Variants in GAREM1 observed in about 807,000 individuals in gnomAD.
GAREM1 encodes the protein GRB2-associated and regulator of MAPK protein 1.
GAREM1 carries 26 observed loss-of-function variants against 71.3 expected under a neutral mutation model. The ratio of observed to expected loss-of-function variants is 0.36; its 90% CI spans 0.27 to 0.51. GAREM1 has a LOEUF of 0.51. Among genes scored for constraint, GAREM1 ranks in the 20% least tolerant of loss-of-function variants. The pLI is 0.95. For missense variants in GAREM1, 1,026 were observed against 1,103.1 expected, an observed-to-expected ratio of 0.93 and a Z score of 0.99; for synonymous variants, 440 against 433.2, an observed-to-expected ratio of 1.02 and a Z score of -0.20.
chr18:32,375,631 T>G (rs1352099135), intron 2 of GAREM1, among the ~76,000 whole-genome samples: 1 of 152,182 alleles, frequency 6.6e-6, no homozygotes, highest in Non-Finnish European at 1.5e-5. Flanking sequence ...CTGTTGGTCC[T>G]ATATGCAGCC....
chr18:32,346,411 G>C (rs1325074007), intron 2 of GAREM1, among the ~76,000 whole-genome samples: 3 of 152,062 alleles, frequency 2.0e-5, no homozygotes, highest in African/African-American at 7.2e-5. Context: ...CATTTTATGG[G>C]AATTTCCTTA....
intron 2 of GAREM1, among the ~76,000 whole-genome samples, chr18:32,370,512 A>G (rs1029785528): frequency 6.6e-6 from 1 of 151,980 alleles, no homozygotes; most frequent in African/African-American, 2.4e-5. Context: ...ATTTAAGTCA[A>G]TATTCTTTAA....
chr18:32,399,271 A>G (rs983901803), intron 1 of GAREM1, among the ~76,000 whole-genome samples: 1 of 152,208 alleles, frequency 6.6e-6, no homozygotes, highest in African/African-American at 2.4e-5. Flanking sequence ...CAAGACAGGG[A>G]TGCCCTCTCT....
Position 32,412,261 on chromosome 18 carries a change from C to T in GAREM1, c.122-19226G>A, listed in dbSNP as rs1326454116. The T allele has an allele frequency of 1.3e-5, 21 of 1,574,446 alleles. No individual in the cohort carries two copies. In the East Asian group the frequency reaches 3.4e-4, roughly 25 times the overall value. The stretch of plus-strand genomic sequence containing the variant: ...CAGCTACTGCTGCTGCTGGAACCGC[C>T]ATAGCCACCTTGGTTTCGTGGTTTT... On this transcript the variant is annotated intron_variant, in intron 1 of 5. Coordinates refer to ENST00000269209, the MANE Select transcript of GAREM1 (RefSeq NM_001242409.2).
In GAREM1 at chr18:32,340,073, T is replaced by C. The variant is rs1181142935; in HGVS notation, c.263-29750A>G. ...CCTTCAGAACACAGCAGTTCCCCTG[T>C]TCTCCAGTGGCACTTCTTGCATGTC... On this transcript the variant is annotated intron_variant, in intron 2 of 5. Transcript: ENST00000269209. Among the ~76,000 whole-genome samples, 4 of 152,242 alleles carry C rather than the reference T, an allele frequency of 2.6e-5. No homozygotes were observed. The South Asian group carries it at 6.2e-4, about 24-fold the overall frequency.
intron 2 of GAREM1, among the ~76,000 whole-genome samples, chr18:32,331,243 C>T (rs1459727940): frequency 1.3e-5 from 2 of 152,138 alleles, no homozygotes; most frequent in African/African-American, 4.8e-5. Flanking sequence ...ACTGTACTCC[C>T]TACTAATGGG....
chr18:32,305,786 C>G (rs2047248255), intron 3 of GAREM1, among the ~76,000 whole-genome samples: 1 of 152,226 alleles, frequency 6.6e-6, no homozygotes, highest in Admixed American at 6.5e-5. Context: ...TCCCAAAGTG[C>G]TGGGATTACA....
intron 1 of GAREM1, among the ~76,000 whole-genome samples, chr18:32,402,202 A>C (rs1022673341): frequency 4.6e-5 from 7 of 152,170 alleles, no homozygotes; most frequent in Non-Finnish European, 1.0e-4. Flanking sequence ...CAATGTAGTA[A>C]TGAGACATCT....
chr18:32,399,544 T>C (rs376607341), intron 1 of GAREM1, among the ~76,000 whole-genome samples: 13,208 of 151,490 alleles, frequency 0.087, 647 homozygotes, highest in African/African-American at 0.13. Flanking sequence ...AAACAGAGAG[T>C]CAACTCATGA....
intron 1 of GAREM1, among the ~76,000 whole-genome samples, chr18:32,462,721 T>C (rs2048963930): frequency 6.6e-6 from 1 of 152,234 alleles, no homozygotes; most frequent in Non-Finnish European, 1.5e-5. Context: ...TATGTTTTCT[T>C]CCATGAGTAG....
intron 2 of GAREM1, among the ~76,000 whole-genome samples, chr18:32,367,378 T>C (rs568942214): frequency 6.6e-6 from 1 of 152,330 alleles, no homozygotes. Context: ...GGCAATAAAC[T>C]TGTCTAAGAC....
In GAREM1 at chr18:32,364,011, TA is replaced by T. The variant is rs1567980628; in HGVS notation, c.262+28883del. Among the ~76,000 whole-genome samples the T allele has an allele frequency of 4.0e-4, 23 of 57,496 alleles. 1 individual carries two copies. The highest frequency in any genetic ancestry group is 8.4e-4 in the Admixed American group (5 of 5,948). The allele number at this position is 57,496 out of a possible 152,430, so 37.7% of individuals were successfully genotyped here. On this transcript the variant is annotated intron_variant, in intron 2 of 5. Transcript: ENST00000269209. The stretch of plus-strand genomic sequence containing the variant: ...ACATATATACATATATATATATATA[TA>T]TATATATATATATATGTTTTTTTTT...
chr18:32,378,071 T>C (rs987105303), intron 2 of GAREM1, among the ~76,000 whole-genome samples: 26 of 133,854 alleles, frequency 1.9e-4, no homozygotes, highest in Non-Finnish European at 3.5e-4. Flanking sequence ...CGCGGGCGCT[T>C]TGGAGGAGGG....
At chr18:32,349,149 T>C (rs1321274394) in intron 2 of GAREM1, among the ~76,000 whole-genome samples, 1 of 152,194 alleles carries the variant, frequency 6.6e-6, no homozygotes, top group Non-Finnish European at 1.5e-5. Flanking sequence ...ATGCAGCAGA[T>C]ATAAAATAGA....
At chr18:32,366,222 C>T (rs2047927376) in intron 2 of GAREM1, among the ~76,000 whole-genome samples, 2 of 152,162 alleles carry the variant, frequency 1.3e-5, no homozygotes, top group South Asian at 4.1e-4. Flanking sequence ...GCTAGGAACC[C>T]CTTTCTAAAC....
chr18:32,301,659 G>A (rs1256215049), intron 3 of GAREM1, among the ~76,000 whole-genome samples: 2 of 152,166 alleles, frequency 1.3e-5, no homozygotes, highest in Non-Finnish European at 2.9e-5. Flanking sequence ...TCCTTCATTT[G>A]CTATATGGAC....
intron 2 of GAREM1, among the ~76,000 whole-genome samples, chr18:32,341,292 T>G (rs1377476494): frequency 6.6e-6 from 1 of 152,214 alleles, no homozygotes; most frequent in South Asian, 2.1e-4. Context: ...TCCATGTCCC[T>G]ACAAAGGACA....
intron 1 of GAREM1, among the ~76,000 whole-genome samples, chr18:32,446,764 C>T (rs1299459583): frequency 6.6e-6 from 1 of 152,118 alleles, no homozygotes; most frequent in Non-Finnish European, 1.5e-5. Context: ...ATTATTGCTT[C>T]CATCAACACT....
At chr18:32,420,839 G>A (rs927615702) in intron 1 of GAREM1, among the ~76,000 whole-genome samples, 7 of 151,980 alleles carry the variant, frequency 4.6e-5, no homozygotes, top group South Asian at 4.2e-4. Context: ...AAACATGAAC[G>A]TTCTCTGCCG....
Sources: allele counts gnomAD v4.1 joint callset (sites outside exome capture counted in the v4.1 genomes callset), GRCh38; gene constraint gnomAD v4.1.1; transcripts MANE v1.5; gene names NCBI Gene and HGNC (gene_info 2026-07-23, HGNC 2026-07-21).